GABRB2: variants seen among roughly 807,000 people sequenced by gnomAD.
The protein encoded by GABRB2 is gamma-aminobutyric acid type A receptor subunit beta2.
In GABRB2, 16 loss-of-function variants were observed where a neutral mutation model predicts 54.7. That is an observed-to-expected ratio of 0.29 (90% CI 0.20 to 0.44). GABRB2 has a LOEUF of 0.44. GABRB2 is among the 20% of genes least tolerant of loss of function. GABRB2 has a pLI of 1.00. For missense variants in GABRB2, 355 were observed against 644.0 expected, an observed-to-expected ratio of 0.55 and a Z score of 4.86; for synonymous variants, 244 against 233.8, an observed-to-expected ratio of 1.04 and a Z score of -0.40.
intron 6 of GABRB2, 78 bp from the exon 7 acceptor site, chr5:161,334,982 T>C: frequency 1.5e-6 from 2 of 1,376,792 alleles, no homozygotes; most frequent in Non-Finnish European, 1.0e-6. Flanking sequence ...GCATAAACAG[T>C]ACCTCTTCTC....
At chr5:161,369,464 A>G (rs1312875047) in intron 5 of GABRB2, among the ~76,000 whole-genome samples, 2 of 152,068 alleles carry the variant, frequency 1.3e-5, no homozygotes, top group Non-Finnish European at 2.9e-5. Flanking sequence ...TATGAGATGG[A>G]TTTAAACTTG....
intron 3 of GABRB2, among the ~76,000 whole-genome samples, chr5:161,461,103 C>T (rs1758107725): frequency 6.6e-6 from 1 of 152,034 alleles, no homozygotes; most frequent in Non-Finnish European, 1.5e-5. Flanking sequence ...GAAGGGTATG[C>T]ATATTTAAAA....
chr5:161,394,266 G>GA (rs1230594857), intron 5 of GABRB2, among the ~76,000 whole-genome samples: 1 of 151,888 alleles, frequency 6.6e-6, no homozygotes, highest in Admixed American at 6.6e-5. Context: ...ATTCAAGCAA[G>GA]ATTTCAAATC....
chr5:161,395,470 A>G (rs1755965860), intron 5 of GABRB2, among the ~76,000 whole-genome samples: 1 of 152,176 alleles, frequency 6.6e-6, no homozygotes, highest in Non-Finnish European at 1.5e-5. Flanking sequence ...TTTGGGCATA[A>G]TGATTAAGAA....
At chr5:161,451,968 G>A (rs541374434) in intron 4 of GABRB2, among the ~76,000 whole-genome samples, 70 of 152,190 alleles carry the variant, frequency 4.6e-4, no homozygotes, top group Admixed American at 2.8e-3. Flanking sequence ...ATGATTCAAC[G>A]AAGATTTTAC....
rs150565039 is a variant in GABRB2 at position 161,412,581 on chromosome 5, A to G, written c.459-1524T>C. Among the ~76,000 whole-genome samples the G allele has an allele frequency of 8.2e-4, 125 of 152,284 alleles. 1 individual carries two copies. Among genetic ancestry groups the G allele is most frequent in the South Asian group, 1.7e-3 (8 of 4,824 alleles). ...TTTCACTCCTCTGCCTAACATTTTCAATGGCTCTTCCAAGATGAGCCAGAG... is the reference window on the plus strand; with the variant it reads ...TTTCACTCCTCTGCCTAACATTTTCGATGGCTCTTCCAAGATGAGCCAGAG... On this transcript the variant is annotated intron_variant, in intron 4 of 9. Transcript: ENST00000393959.
intron 3 of GABRB2, among the ~76,000 whole-genome samples, chr5:161,466,046 C>G (rs1473941080): frequency 2.6e-5 from 4 of 151,980 alleles, no homozygotes; most frequent in Non-Finnish European, 5.9e-5. Flanking sequence ...GTGACAGTTC[C>G]TCAATGTTTC....
At chr5:161,455,261 C>T (rs190375347) in intron 4 of GABRB2, among the ~76,000 whole-genome samples, 129 of 152,180 alleles carry the variant, frequency 8.5e-4, no homozygotes, top group South Asian at 1.7e-3. Context: ...TTCTGGCTGA[C>T]GAGCTTTGAG....
At chr5:161,374,481 C>T (rs940924078) in intron 5 of GABRB2, among the ~76,000 whole-genome samples, 1 of 152,218 alleles carries the variant, frequency 6.6e-6, no homozygotes, top group African/African-American at 2.4e-5. Context: ...TGCATTGGCA[C>T]TGTCTTCTAA....
chr5:161,326,558 G>A (rs1758369889), intron 8 of GABRB2, 77 bp from the exon 9 acceptor site: 1 of 1,482,870 alleles, frequency 6.7e-7, no homozygotes, highest in Non-Finnish European at 9.0e-7. Context: ...AAAGTAAATT[G>A]GATATAGATA....
At position 161,546,712 on chromosome 5, in the gene GABRB2, A is replaced by G; in HGVS notation, c.-69T>C. 1 of 1,550,116 alleles carries G rather than the reference A, an allele frequency of 6.5e-7. No homozygotes were observed. The highest frequency in any genetic ancestry group is 8.7e-7 in the Non-Finnish European group (1 of 1,146,238). Reference sequence around the variant, plus strand: ...AGATCCAACTTAGTCTGCCCAGTGCAGTAATTCTAATGTGAGGCGCATGCG... The same window carrying G: ...AGATCCAACTTAGTCTGCCCAGTGCGGTAATTCTAATGTGAGGCGCATGCG... On this transcript the variant is annotated 5_prime_UTR_variant, in exon 1 of 10. Transcript: ENST00000393959.
chr5:161,319,504 C>T (rs189188604), intron 9 of GABRB2, among the ~76,000 whole-genome samples: 1 of 150,400 alleles, frequency 6.6e-6, no homozygotes, highest in African/African-American at 2.4e-5. Flanking sequence ...TTTGAAATAG[C>T]ACTCTGTGGT....
chr5:161,505,258 G>A (rs1268050615), intron 3 of GABRB2, among the ~76,000 whole-genome samples: 1 of 151,974 alleles, frequency 6.6e-6, no homozygotes, highest in Non-Finnish European at 1.5e-5. Context: ...CCTCCCGAGA[G>A]GAGCTGGGAT....
chr5:161,491,404 C>G (rs1408312480), intron 3 of GABRB2, among the ~76,000 whole-genome samples: 1 of 151,466 alleles, frequency 6.6e-6, no homozygotes, highest in Non-Finnish European at 1.5e-5. Context: ...TTCATGTTCT[C>G]GATTTAAAAC....
chr5:161,440,582 T>A (rs973733090), intron 4 of GABRB2, among the ~76,000 whole-genome samples: 5 of 152,084 alleles, frequency 3.3e-5, no homozygotes, highest in Non-Finnish European at 5.9e-5. Context: ...CCCAGATACA[T>A]AAGGCAAATA....
intron 3 of GABRB2, among the ~76,000 whole-genome samples, chr5:161,502,605 C>T (rs1290914137): frequency 1.3e-5 from 2 of 152,070 alleles, no homozygotes; most frequent in African/African-American, 4.8e-5. Context: ...CATCAGACAG[C>T]CCAGGGCTGT....
At chr5:161,334,010 T>A (rs1327081054) in intron 7 of GABRB2, among the ~76,000 whole-genome samples, 1 of 152,228 alleles carries the variant, frequency 6.6e-6, no homozygotes, top group African/African-American at 2.4e-5. Flanking sequence ...AATTAGCATA[T>A]ATTAGGTATT....
At chr5:161,342,992 T>C (rs1197828358) in intron 5 of GABRB2, among the ~76,000 whole-genome samples, 1 of 152,014 alleles carries the variant, frequency 6.6e-6, no homozygotes, top group Non-Finnish European at 1.5e-5. Context: ...TGAAATCCAC[T>C]CCATGCAGAG....
At chr5:161,369,127 T>C (rs1235098200) in intron 5 of GABRB2, among the ~76,000 whole-genome samples, 1 of 152,216 alleles carries the variant, frequency 6.6e-6, no homozygotes, top group Non-Finnish European at 1.5e-5. Context: ...TTGAATTCTT[T>C]AGATCTTATT....
Sources: allele counts gnomAD v4.1 joint callset (sites outside exome capture counted in the v4.1 genomes callset), GRCh38; gene constraint gnomAD v4.1.1; transcripts MANE v1.5; gene names NCBI Gene and HGNC (gene_info 2026-07-23, HGNC 2026-07-21).